The following TENM3 variants were observed in gnomAD, a reference collection of about 807,000 sequenced individuals.
The protein encoded by TENM3 is teneurin-3.
In TENM3, 63 loss-of-function variants were observed where a neutral mutation model predicts 255.1. The observed-to-expected ratio is 0.25, with a 90% CI of 0.20 to 0.30. The LOEUF is 0.30. Among genes scored for constraint, TENM3 ranks in the 10% least tolerant of loss-of-function variants. TENM3 has a pLI of 1.00. For synonymous variants in TENM3, 1,306 were observed against 1,322.3 expected, an observed-to-expected ratio of 0.99 and a Z score of 0.27; for missense variants, 2,929 against 3,461.1, an observed-to-expected ratio of 0.85 and a Z score of 3.86.
the TENM3 span, among the ~76,000 whole-genome samples, chr4:181,779,841 A>C: frequency 6.6e-6 from 1 of 151,918 alleles, no homozygotes; most frequent in Non-Finnish European, 1.5e-5. Context: ...CCTGTGTCCA[A>C]GTGTTCTCAT....
At chr4:182,018,514 C>T in the TENM3 span, among the ~76,000 whole-genome samples, 5 of 152,238 alleles carry the variant, frequency 3.3e-5, no homozygotes, top group South Asian at 2.1e-4. Context: ...TAATCTCAAA[C>T]TCTGACATTT....
intron 3 of TENM3, among the ~76,000 whole-genome samples, chr4:182,352,621 T>A (rs1765258839): frequency 6.6e-6 from 1 of 152,168 alleles, no homozygotes; most frequent in South Asian, 2.1e-4. Context: ...GGTATAACAT[T>A]AAAGTGCAGT....
intron 3 of TENM3, among the ~76,000 whole-genome samples, chr4:182,501,043 AT>A (rs1481138006): frequency 9.9e-5 from 15 of 152,104 alleles, no homozygotes; most frequent in Non-Finnish European, 2.1e-4. Context: ...CTTTTCTAGA[AT>A]GGTGAGCATG....
intron 3 of TENM3, among the ~76,000 whole-genome samples, chr4:182,523,832 TTCG>T (rs1560870271): frequency 1.6e-5 from 1 of 62,720 alleles, no homozygotes. Flanking sequence ...TAATTATTAT[TTCG>T]GAGAGACAAA....
At chr4:181,534,699 T>C in the TENM3 span, among the ~76,000 whole-genome samples, 2 of 152,098 alleles carry the variant, frequency 1.3e-5, no homozygotes, top group Non-Finnish European at 2.9e-5. Context: ...TACCACACAG[T>C]TTATTTCAGG....
At chr4:181,711,123 A>G in the TENM3 span, among the ~76,000 whole-genome samples, 17,736 of 152,254 alleles carry the variant, frequency 0.12, 1,411 homozygotes, top group Non-Finnish European at 0.17. Context: ...CTACAAATTC[A>G]CATGCTTTGG....
chr4:182,752,040 C>A lies in TENM3; in HGVS notation c.3862+8C>A. On this transcript the variant is annotated splice_region_variant and intron_variant, in intron 20 of 27. Transcript: ENST00000511685. ...CACTCATGAGTCCCAAAGGTACCGG[C>A]AGTTGGCGATTTGAGGATTTCTTTT... 1.1e-5 allele frequency: 16 copies of A among 1,444,538 alleles called. No homozygotes were observed. Among genetic ancestry groups the A allele is most frequent in the South Asian group, 4.4e-5 (3 of 68,758 alleles). 89.5% of individuals were successfully genotyped at this position (1,444,538 alleles called of 1,614,324 possible).
At chr4:182,549,046 G>A (rs925673765) in intron 3 of TENM3, among the ~76,000 whole-genome samples, 8 of 152,184 alleles carry the variant, frequency 5.3e-5, no homozygotes, top group African/African-American at 1.9e-4. Flanking sequence ...ACTTAACTAA[G>A]TGAGCAGTAG....
chr4:181,696,035 T>C, the TENM3 span, among the ~76,000 whole-genome samples: 2 of 152,206 alleles, frequency 1.3e-5, no homozygotes, highest in Admixed American at 1.3e-4. Context: ...AGTAAAGTCA[T>C]GTGTAAATGA....
chr4:182,723,068 T>C (rs918813327), intron 13 of TENM3, among the ~76,000 whole-genome samples: 11 of 152,182 alleles, frequency 7.2e-5, no homozygotes, highest in Admixed American at 1.3e-4. Flanking sequence ...TTACACATGT[T>C]AAGTTTTAGA....
the TENM3 span, among the ~76,000 whole-genome samples, chr4:181,874,822 T>G: frequency 4.5e-4 from 68 of 152,354 alleles, 1 homozygote; most frequent in African/African-American, 1.6e-3. Context: ...GTTTTCTACT[T>G]GGGCTCTGCT....
chr4:181,662,983 C>T, the TENM3 span, among the ~76,000 whole-genome samples: 5 of 152,084 alleles, frequency 3.3e-5, no homozygotes, highest in African/African-American at 4.8e-5. Context: ...CAACGATACC[C>T]GGAGCTTAGA....
the TENM3 span, among the ~76,000 whole-genome samples, chr4:181,961,605 G>C: frequency 1.3e-5 from 2 of 152,112 alleles, no homozygotes; most frequent in South Asian, 4.1e-4. Context: ...GTTTTTAGTA[G>C]AGACGGGCTT....
the TENM3 span, among the ~76,000 whole-genome samples, chr4:181,796,548 A>G: frequency 6.6e-5 from 10 of 152,178 alleles, no homozygotes; most frequent in Non-Finnish European, 1.3e-4. Flanking sequence ...GGGTTATGCC[A>G]GAGGCAGGGA....
intron 3 of TENM3, among the ~76,000 whole-genome samples, chr4:182,530,196 C>T (rs775152905): frequency 4.9e-4 from 74 of 152,268 alleles, no homozygotes; most frequent in Middle Eastern, 6.8e-3. Flanking sequence ...AAATATTAGG[C>T]ATTGAAACTC....
chr4:181,625,136 C>G, the TENM3 span, among the ~76,000 whole-genome samples: 50,762 of 151,966 alleles, frequency 0.33, 8,686 homozygotes, highest in East Asian at 0.43. Context: ...AGAAGCAGCA[C>G]CTTCACATGG....
intron 3 of TENM3, among the ~76,000 whole-genome samples, chr4:182,586,814 G>T (rs1172235501): frequency 6.6e-6 from 1 of 152,032 alleles, no homozygotes; most frequent in East Asian, 1.9e-4. Flanking sequence ...AGACAGTAGG[G>T]ACTCAATAAA....
chr4:181,748,856 C>T, the TENM3 span, among the ~76,000 whole-genome samples: 1 of 151,832 alleles, frequency 6.6e-6, no homozygotes, highest in African/African-American at 2.4e-5. Flanking sequence ...ACTGCATACA[C>T]CATGCATAAA....
At chr4:181,466,248 G>T in the TENM3 span, among the ~76,000 whole-genome samples, 1 of 151,924 alleles carries the variant, frequency 6.6e-6, no homozygotes, top group African/African-American at 2.4e-5. Flanking sequence ...CTCCCGAGTA[G>T]CTGGGATTAC....
Sources: gnomAD v4.1 joint callset for allele counts (sites outside exome capture counted in the v4.1 genomes callset) on GRCh38, gnomAD v4.1.1 for gene constraint, MANE v1.5 for transcripts, NCBI Gene and HGNC (gene_info 2026-07-23, HGNC 2026-07-21) for gene names.